The following PRR14L variants were observed in gnomAD, a reference collection of about 807,000 sequenced individuals.
PRR14L encodes the protein protein PRR14L.
Under a neutral mutation model 155.0 loss-of-function variants are expected in PRR14L, and 80 were observed. The observed-to-expected ratio is 0.52, with a 90% CI of 0.43 to 0.62. The LOEUF (loss-of-function observed/expected upper bound fraction) is 0.62, where lower values mean the gene tolerates loss of function less well. PRR14L is among the 20% of genes least tolerant of loss of function. The pLI is 0.00. For synonymous variants in PRR14L, 883 were observed against 916.0 expected, an observed-to-expected ratio of 0.96 and a Z score of 0.65; for missense variants, 2,469 against 2,548.0, an observed-to-expected ratio of 0.97 and a Z score of 0.67.
chr22:31,715,330 C>G lies in PRR14L; in HGVS notation c.2509G>C (p.Gly837Arg). The change falls in exon 4 of 9, where the codon GGA becomes CGA. Residue 837 changes from glycine to arginine, a missense_variant. This residue lies in a region of PRR14L where 2,363 missense variants were observed against 2,371.6 expected (regional missense o/e 1.00). Transcript: ENST00000327423. ...CTTTTTTCCACAGAGTGTCCTGTTC[C>G]TTGGCAGCAGTGATCACGGTGCTGA... Reference protein sequence around the residue: ...AFQHRDHCCQGTGHSVEKSSC... With the variant: ...AFQHRDHCCQRTGHSVEKSSC... 6.4e-7 allele frequency: 1 copy of G among 1,552,054 alleles called. No individual in the cohort carries two copies. The highest frequency in any genetic ancestry group is 8.7e-7 in the Non-Finnish European group (1 of 1,147,074).
intron 5 of PRR14L, among the ~76,000 whole-genome samples, chr22:31,704,273 AG>A (rs2074578210): frequency 6.6e-6 from 1 of 152,216 alleles, no homozygotes; most frequent in Non-Finnish European, 1.5e-5. Flanking sequence ...AAATGTAAAA[AG>A]GAACAGACTT....
intron 3 of PRR14L, among the ~76,000 whole-genome samples, chr22:31,721,541 C>T (rs1253508856): frequency 6.7e-6 from 1 of 149,516 alleles, no homozygotes; most frequent in Non-Finnish European, 1.5e-5. Flanking sequence ...GCAGTCTGGC[C>T]TGGGCGACAG....
At chr22:31,697,818 G>A (rs1029788163) in intron 7 of PRR14L, among the ~76,000 whole-genome samples, 6 of 152,138 alleles carry the variant, frequency 3.9e-5, no homozygotes, top group African/African-American at 1.4e-4. Flanking sequence ...GCTGCAGTGA[G>A]CCATGATCAT....
rs776457027 is a variant in PRR14L at position 31,712,233 on chromosome 22, A to G, written c.5606T>C (p.Ile1869Thr). The change falls in exon 4 of 9, where the codon ATA becomes ACA. Residue 1869 changes from isoleucine to threonine, a missense_variant. Ile to Thr is a moderately conservative substitution (Grantham distance 89, BLOSUM62 -1). Transcript: ENST00000327423. ...GLKGLRSPAS[I>T]ADKVFCSLPY... is the part of the protein sequence containing the mutation. ...CAGAGAACAGAAGACCTTGTCTGCT[A>G]TGGAGGCTGGAGACCGTAACCCTTT... 60 of 1,614,094 alleles carry G rather than the reference A, an allele frequency of 3.7e-5. No homozygotes were observed. Among genetic ancestry groups the G allele is most frequent in the Non-Finnish European group, 4.8e-5 (57 of 1,180,042 alleles).
intron 5 of PRR14L, chr22:31,704,331 C>CA (rs1339592084): frequency 1.9e-5 from 4 of 209,122 alleles, no homozygotes; most frequent in African/African-American, 6.9e-5. Context: ...GAACAGTACT[C>CA]AGATAAGATC....
chr22:31,706,634 G>A (rs1471709932), intron 4 of PRR14L, among the ~76,000 whole-genome samples: 1 of 151,990 alleles, frequency 6.6e-6, no homozygotes. Context: ...ATATTGGCCA[G>A]GCTGGTCTCG....
At chr22:31,698,534 C>CA (rs34490365) in intron 7 of PRR14L, among the ~76,000 whole-genome samples, 3,274 of 129,550 alleles carry the variant, frequency 0.025, 112 homozygotes, top group African/African-American at 0.083. Context: ...AACTACATCT[C>CA]AAAAAAAAAA....
Position 31,712,119 on chromosome 22 carries a change from T to C in PRR14L, c.5720A>G (p.His1907Arg), listed in dbSNP as rs772408640. 14 of 1,613,168 alleles carry C rather than the reference T, an allele frequency of 8.7e-6. No homozygotes were observed. The highest frequency in any genetic ancestry group is 1.1e-5 in the Non-Finnish European group (13 of 1,179,704). Residue 1907 changes from histidine (H) to arginine (R), a missense_variant, in exon 4 of 9, where the codon CAC becomes CGC. By Grantham distance (29) the His-to-Arg change is conservative. Around this residue, in one of 2 missense-constraint regions of PRR14L, gnomAD observed 2,363 missense variants for 2,371.6 expected, o/e 1.00. Transcript: ENST00000327423. ...SFEISSLHSP[H>R]CKRQPSLGTT... ...GCCCAGACTTGGTTGCCGCTTGCAG[T>C]GAGGGGAATGAAGAGAAGAGATTTC...
chr22:31,725,118 G>A (rs2074709459), intron 3 of PRR14L, among the ~76,000 whole-genome samples: 1 of 152,168 alleles, frequency 6.6e-6, no homozygotes, highest in Non-Finnish European at 1.5e-5. Context: ...GGGACTTGCT[G>A]GGTGCGGTGG....
chr22:31,712,052 A>C (rs1569498428), intron 4 of PRR14L, 31 bp downstream of exon 4: 1 of 1,556,730 alleles, frequency 6.4e-7, no homozygotes. Flanking sequence ...CAAATATGGG[A>C]CATTTGTAAA....
At position 31,738,478 on chromosome 22, in the gene PRR14L, T is replaced by C; in HGVS notation, c.383A>G (p.Gln128Arg). The C allele has an allele frequency of 1.3e-6, 2 of 1,552,200 alleles. No homozygotes were observed. Among genetic ancestry groups the C allele is most frequent in the Non-Finnish European group, 1.7e-6 (2 of 1,147,108 alleles). ...AGAGGGTTCTCTTATAATTCCTGCCTGGCCCCCTGGATCTCTGAAGACCTT... is the reference window on the plus strand; with the variant it reads ...AGAGGGTTCTCTTATAATTCCTGCCCGGCCCCCTGGATCTCTGAAGACCTT... ...EPKVFRDPGGQAGIIREPSEG... is the reference protein window; with the variant it reads ...EPKVFRDPGGRAGIIREPSEG... Residue 128 changes from glutamine to arginine, a missense_variant, in exon 2 of 9, where the codon CAG becomes CGG. Gln to Arg is a conservative substitution (Grantham distance 43). This residue lies in a region of PRR14L where 2,363 missense variants were observed against 2,371.6 expected (regional missense o/e 1.00). Coordinates refer to ENST00000327423, the MANE Select transcript of PRR14L (RefSeq NM_173566.3).
chr22:31,717,919 C>T (rs1477696450), intron 3 of PRR14L, among the ~76,000 whole-genome samples: 1 of 151,704 alleles, frequency 6.6e-6, no homozygotes, highest in African/African-American at 2.4e-5. Flanking sequence ...GCAACCACCC[C>T]CAGCTAATTT....
Position 31,703,624 on chromosome 22 carries a change from G to C in PRR14L, c.5926C>G (p.Arg1976Gly). 1 of 1,613,730 alleles carries C rather than the reference G, an allele frequency of 6.2e-7. No individual in the cohort carries two copies. Among genetic ancestry groups the C allele is most frequent in the Admixed American group, 1.7e-5 (1 of 59,952 alleles). Residue 1976 changes from arginine (R) to glycine (G), a missense_variant, in exon 6 of 9, where the codon CGT (arginine) becomes GGT (glycine). Physicochemically the swap from Arg to Gly is moderately radical, Grantham distance 125 (BLOSUM62 -2). Around this residue, in one of 2 missense-constraint regions of PRR14L, gnomAD observed 2,363 missense variants for 2,371.6 expected, o/e 1.00. Transcript: ENST00000327423. ...ACACCATCCAGCTCATCCAATCCACGAACCTGGAACTCAGAGGCTGAAAGC... is the reference window on the plus strand; with the variant it reads ...ACACCATCCAGCTCATCCAATCCACCAACCTGGAACTCAGAGGCTGAAAGC... ...LLLSASEFQV[R>G]GLDELDGVKA...
At chr22:31,728,620 A>C (rs2074730734) in intron 2 of PRR14L, among the ~76,000 whole-genome samples, 1 of 151,654 alleles carries the variant, frequency 6.6e-6, no homozygotes, top group South Asian at 2.1e-4. Flanking sequence ...AAAAAAAAAA[A>C]AAAACGTATA....
intron 8 of PRR14L, among the ~76,000 whole-genome samples, chr22:31,686,265 A>ATT (rs1016161380): frequency 1.0e-4 from 14 of 136,382 alleles, no homozygotes; most frequent in Non-Finnish European, 1.6e-4. Flanking sequence ...CGCCCGGCTA[A>ATT]TTTTTTTTTT....
chr22:31,692,385 T>C (rs974014275), intron 7 of PRR14L, among the ~76,000 whole-genome samples: 1 of 152,196 alleles, frequency 6.6e-6, no homozygotes. Context: ...GGTATTTCAC[T>C]GTGGTTTTGA....
At chr22:31,690,698 G>A (rs1049347112) in intron 7 of PRR14L, among the ~76,000 whole-genome samples, 20 of 151,326 alleles carry the variant, frequency 1.3e-4, no homozygotes, top group Non-Finnish European at 2.6e-4. Context: ...CTGGAGTGCA[G>A]TGGCGTGATC....
chr22:31,713,914 A>T lies in PRR14L; in HGVS notation c.3925T>A (p.Cys1309Ser). The change falls in exon 4 of 9, where the codon TGC becomes AGC. Residue 1309 changes from cysteine to serine, a missense_variant. Physicochemically the swap from Cys to Ser is moderately radical, Grantham distance 112. Around this residue, in one of 2 missense-constraint regions of PRR14L, gnomAD observed 2,363 missense variants for 2,371.6 expected, o/e 1.00. Transcript: ENST00000327423. ...TTCTCGTGAGGGTGACAAGCTTTGC[A>T]AGCATTCTTTTCCACACAGGTACAT... ...SVCTCVEKNA[C>S]KACHPHENSS... The T allele has an allele frequency of 1.3e-6, 2 of 1,551,918 alleles. No individual in the cohort carries two copies. Among genetic ancestry groups the T allele is most frequent in the Non-Finnish European group, 1.7e-6 (2 of 1,147,032 alleles).
At chr22:31,737,752 C>T (rs2074790166) in intron 2 of PRR14L, among the ~76,000 whole-genome samples, 1 of 152,050 alleles carries the variant, frequency 6.6e-6, no homozygotes, top group African/African-American at 2.4e-5. Context: ...GTGGCTCATG[C>T]CTGTAATCCC....
Sources: gnomAD v4.1 joint callset for allele counts (sites outside exome capture counted in the v4.1 genomes callset) on GRCh38, gnomAD v4.1.1 for gene constraint, gnomAD v4.1.1 regional missense constraint, MANE v1.5 for transcripts, NCBI Gene and HGNC (gene_info 2026-07-23, HGNC 2026-07-21) for gene names.